SYT14: variants seen among roughly 807,000 people sequenced by gnomAD.
SYT14 encodes the protein synaptotagmin 14, also known as synaptotagmin-14.
A neutral mutation model predicts 74.2 loss-of-function variants in SYT14; 32 were observed. The observed-to-expected ratio is 0.43, with a 90% CI of 0.33 to 0.58. The LOEUF (loss-of-function observed/expected upper bound fraction) is 0.58, where lower values mean the gene tolerates loss of function less well. SYT14 is among the 20% of genes least tolerant of loss of function. SYT14 has a pLI of 0.05. For missense variants in SYT14, 791 were observed against 981.8 expected, an observed-to-expected ratio of 0.81 and a Z score of 2.60; for synonymous variants, 298 against 337.7, an observed-to-expected ratio of 0.88 and a Z score of 1.29.
intron 5 of SYT14, among the ~76,000 whole-genome samples, chr1:210,045,151 C>T (rs937593368): frequency 2.0e-5 from 3 of 152,104 alleles, no homozygotes; most frequent in Admixed American, 6.6e-5. Flanking sequence ...TCATTTCATT[C>T]GGTGCTATAC....
At chr1:209,987,180 C>A (rs748372618) in intron 2 of SYT14, among the ~76,000 whole-genome samples, 3 of 152,192 alleles carry the variant, frequency 2.0e-5, no homozygotes, top group Non-Finnish European at 2.9e-5. Context: ...CCAGACTATT[C>A]TAACCTCTGC....
intron 2 of SYT14, among the ~76,000 whole-genome samples, chr1:210,010,832 C>G (rs371419336): frequency 1.3e-4 from 20 of 152,120 alleles, no homozygotes; most frequent in African/African-American, 4.1e-4. Context: ...CCTGATTCTT[C>G]CACTTACTAT....
chr1:209,948,062 A>G (rs2078850256), intron 1 of SYT14, among the ~76,000 whole-genome samples: 1 of 152,218 alleles, frequency 6.6e-6, no homozygotes, highest in Non-Finnish European at 1.5e-5. Flanking sequence ...TCTAGTGTAA[A>G]CATAACTTTT....
At chr1:210,068,343 A>G (rs1361062092) in intron 5 of SYT14, among the ~76,000 whole-genome samples, 1 of 151,776 alleles carries the variant, frequency 6.6e-6, no homozygotes, top group Non-Finnish European at 1.5e-5. Context: ...GGGGTTTCCC[A>G]GAGAAGCTTA....
chr1:209,941,541 T>G (rs1203708951), intron 1 of SYT14, among the ~76,000 whole-genome samples: 2 of 152,226 alleles, frequency 1.3e-5, no homozygotes, highest in African/African-American at 4.8e-5. Flanking sequence ...ATTTGAAATT[T>G]CCTCCTCTCT....
chr1:210,164,107 A>C (rs921215117), exon 10 of SYT14: 2 of 450,864 alleles, frequency 4.4e-6, no homozygotes, highest in East Asian at 1.4e-4. Flanking sequence ...ATGTCAAATC[A>C]GTAAAGAATT....
intron 2 of SYT14, among the ~76,000 whole-genome samples, chr1:209,996,118 G>T (rs1166050030): frequency 6.6e-6 from 1 of 151,836 alleles, no homozygotes; most frequent in African/African-American, 2.4e-5. Flanking sequence ...AGAAAAGAAA[G>T]AACTAAAATT....
intron 5 of SYT14, among the ~76,000 whole-genome samples, chr1:210,049,368 G>A (rs181214931): frequency 2.8e-4 from 43 of 151,548 alleles, no homozygotes; most frequent in East Asian, 1.4e-3. Flanking sequence ...AAATCTAGGC[G>A]GAGGTTCTCA....
At chr1:210,021,309 TG>T in intron 5 of SYT14, 55 bp downstream of exon 4, 10 of 1,489,342 alleles carry the variant, frequency 6.7e-6, no homozygotes, top group Non-Finnish European at 9.3e-6. Context: ...TTTGATTACT[TG>T]TGCCTGAAAT....
intron 2 of SYT14, among the ~76,000 whole-genome samples, chr1:209,982,274 G>A (rs1283896011): frequency 2.0e-5 from 3 of 152,050 alleles, no homozygotes; most frequent in South Asian, 2.1e-4. Context: ...TCCCACCTCA[G>A]CCCCCAGAGT....
intron 7 of SYT14, among the ~76,000 whole-genome samples, chr1:210,145,142 T>C (rs1171053399): frequency 6.6e-6 from 1 of 152,168 alleles, no homozygotes; most frequent in African/African-American, 2.4e-5. Context: ...ATCAGTAAGA[T>C]TGATTATAAT....
chr1:210,017,363 C>T (rs549663305), intron 4 of SYT14, among the ~76,000 whole-genome samples: 12 of 152,178 alleles, frequency 7.9e-5, no homozygotes, highest in African/African-American at 2.4e-4. Flanking sequence ...CCTAGTTTTT[C>T]TTAATGTCCA....
chr1:210,163,996 G>T, exon 10 of SYT14: 1 of 452,912 alleles, frequency 2.2e-6, no homozygotes, highest in Non-Finnish European at 4.4e-6. Context: ...TATGGCAATC[G>T]ACTGGCATTT....
rs1255224352 is a variant in SYT14 at position 210,105,255 on chromosome 1, AG to A, written c.2034+4795del. Among the ~76,000 whole-genome samples the A allele has an allele frequency of 2.6e-5, 4 of 152,334 alleles. No homozygotes were observed. The East Asian group carries it at 7.7e-4, about 29-fold the overall frequency. On this transcript the variant is annotated intron_variant, in intron 7 of 9. Transcript: ENST00000637265. ...CAGGGTTTGCAAACTATGACTTGTG[AG>A]TCAACTCCGGCATGTAGCCTGCTTT... is the stretch of plus-strand genomic sequence containing the variant.
chr1:210,057,795 T>C (rs1373098350), intron 5 of SYT14, among the ~76,000 whole-genome samples: 1 of 152,188 alleles, frequency 6.6e-6, no homozygotes, highest in Non-Finnish European at 1.5e-5. Flanking sequence ...TAATAAATCA[T>C]TCATGTTTGA....
At chr1:210,102,602 G>T (rs1346495724) in intron 7 of SYT14, among the ~76,000 whole-genome samples, 1 of 151,880 alleles carries the variant, frequency 6.6e-6, no homozygotes, top group Non-Finnish European at 1.5e-5. Flanking sequence ...GGTGAGTTTG[G>T]CTCTAATTTT....
chr1:209,976,849 T>G (rs1358579294), intron 2 of SYT14, among the ~76,000 whole-genome samples: 1 of 152,136 alleles, frequency 6.6e-6, no homozygotes, highest in Non-Finnish European at 1.5e-5. Context: ...TAAGTCTCTT[T>G]GTAGGTCTCT....
chr1:209,992,865 T>C (rs1176996547), intron 2 of SYT14, among the ~76,000 whole-genome samples: 1 of 152,076 alleles, frequency 6.6e-6, no homozygotes, highest in African/African-American at 2.4e-5. Context: ...AAGGCGACAC[T>C]GAAGCTGAGC....
chr1:210,105,370 C>T (rs985545373), intron 7 of SYT14, among the ~76,000 whole-genome samples: 9 of 152,168 alleles, frequency 5.9e-5, no homozygotes, highest in Admixed American at 2.0e-4. Flanking sequence ...CTTTTATCTT[C>T]TGCTCGTAAC....
Sources: allele counts gnomAD v4.1 joint callset (sites outside exome capture counted in the v4.1 genomes callset), GRCh38; gene constraint gnomAD v4.1.1; transcripts MANE v1.5; gene names NCBI Gene and HGNC (gene_info 2026-07-23, HGNC 2026-07-21).